CLNK: variants seen among roughly 807,000 people sequenced by gnomAD.
CLNK encodes cytokine-dependent hematopoietic cell linker.
In CLNK, 74 loss-of-function variants were observed where a neutral mutation model predicts 68.6. That is an observed-to-expected ratio of 1.08 (90% CI 0.89 to 1.31). The LOEUF (loss-of-function observed/expected upper bound fraction) is 1.31. Among genes scored for constraint, CLNK ranks in the 50% most tolerant of loss-of-function variants. The pLI, the probability that CLNK is intolerant of heterozygous loss-of-function variation, is 0.00. For missense variants in CLNK, 553 were observed against 515.3 expected (o/e 1.07, Z -0.71); for synonymous variants, 198 against 172.2 (o/e 1.15, Z -1.17).
intron 1 of CLNK, among the ~76,000 whole-genome samples, chr4:10,680,593 T>G (rs915240601): frequency 6.6e-6 from 1 of 152,080 alleles, no homozygotes; most frequent in African/African-American, 2.4e-5. Context: ...TAAAATAAAC[T>G]CATAATAATA....
At chr4:10,575,483 G>A (rs775184527) in intron 4 of CLNK, among the ~76,000 whole-genome samples, 1 of 152,260 alleles carries the variant, frequency 6.6e-6, no homozygotes, top group Admixed American at 6.5e-5. Context: ...CCTCTCCAGC[G>A]CTGTTCCTCA....
At position 10,488,148 on chromosome 4, in the gene CLNK, GA is replaced by G. The variant is rs1401980702; in HGVS notation, c.*2318del. On this transcript the variant is annotated 3_prime_UTR_variant, in exon 19 of 19. Coordinates refer to ENST00000226951, the MANE Select transcript of CLNK (RefSeq NM_052964.4). Reference sequence around the variant, plus strand: ...CCCTCATTCTTGCTGTCATCTTAAGGATGCTGAATTTCTACTTCTTTTTTCT... The same window carrying G: ...CCCTCATTCTTGCTGTCATCTTAAGGTGCTGAATTTCTACTTCTTTTTTCT... 5 of 151,844 alleles carry G rather than the reference GA, an allele frequency of 3.3e-5. No individual in the cohort carries two copies. The highest frequency in any genetic ancestry group is 1.2e-4 in the African/African-American group (5 of 41,328). 9.4% of individuals were successfully genotyped at this position (151,844 alleles called of 1,614,324 possible).
intron 2 of CLNK, among the ~76,000 whole-genome samples, chr4:10,640,444 G>A (rs1036804066): frequency 2.0e-5 from 3 of 152,216 alleles, no homozygotes; most frequent in African/African-American, 7.2e-5. Flanking sequence ...GGGATTACAG[G>A]CGTGAGCCAT....
chr4:10,541,233 AAACCCAATAAG>A (rs1719008634), intron 10 of CLNK, among the ~76,000 whole-genome samples: 1 of 150,132 alleles, frequency 6.7e-6, no homozygotes, highest in Non-Finnish European at 1.5e-5. Flanking sequence ...AAAAAAAAAA[AAACCCAATAAG>A]AAATATAAAA....
the CLNK span, among the ~76,000 whole-genome samples, chr4:10,712,952 CA>C: frequency 6.6e-6 from 1 of 152,206 alleles, no homozygotes; most frequent in Admixed American, 6.5e-5. Flanking sequence ...TCAATGATTT[CA>C]TTCCCAAGGA....
intron 2 of CLNK, among the ~76,000 whole-genome samples, chr4:10,632,900 TCATAA>T (rs1230412887): frequency 6.6e-6 from 1 of 152,210 alleles, no homozygotes. Context: ...GCTAGCTAAC[TCATAA>T]CAGAAGCATT....
chr4:10,498,523 T>C (rs1716905380), intron 18 of CLNK, among the ~76,000 whole-genome samples: 1 of 152,050 alleles, frequency 6.6e-6, no homozygotes, highest in Admixed American at 6.6e-5. Flanking sequence ...ATAAGAATTA[T>C]ATAATGCTTT....
At position 10,576,352 on chromosome 4, in the gene CLNK, T is replaced by C. The variant is rs539558561; in HGVS notation, c.113-4574A>G. ...TCATATCTGCATCCCAGGAGAGTTA[T>C]GGTCGTGTTGCATGGATGTGTGGAG... On this transcript the variant is annotated intron_variant, in intron 4 of 18. Coordinates refer to ENST00000226951, the MANE Select transcript of CLNK (RefSeq NM_052964.4). 3.3e-5 allele frequency among the ~76,000 whole-genome samples: 5 copies of C among 152,364 alleles called. No homozygotes were observed. In the South Asian group the frequency reaches 1.0e-3, roughly 32 times the overall value.
chr4:10,687,751 T>C (rs539862238), upstream of CLNK, among the ~76,000 whole-genome samples: 2 of 152,198 alleles, frequency 1.3e-5, no homozygotes, highest in South Asian at 4.1e-4. Flanking sequence ...CCAACCTGCA[T>C]GTTCTTGCTT....
At chr4:10,712,484 T>C in the CLNK span, among the ~76,000 whole-genome samples, 1 of 152,194 alleles carries the variant, frequency 6.6e-6, no homozygotes, top group African/African-American at 2.4e-5. Context: ...GCTTATAGTT[T>C]AACTTTAAAA....
the CLNK span, among the ~76,000 whole-genome samples, chr4:10,707,742 T>C: frequency 0.47 from 70,950 of 152,066 alleles, 17,914 homozygotes; most frequent in Middle Eastern, 0.62. Context: ...CACCCCTTCT[T>C]GTGCCAGGGA....
chr4:10,733,902 G>A, the CLNK span, among the ~76,000 whole-genome samples: 1 of 152,196 alleles, frequency 6.6e-6, no homozygotes, highest in Non-Finnish European at 1.5e-5. Context: ...CTGAAGAGTC[G>A]TTTCTGAATA....
intron 3 of CLNK, among the ~76,000 whole-genome samples, chr4:10,585,703 A>C (rs1024599151): frequency 6.6e-6 from 1 of 151,998 alleles, no homozygotes; most frequent in Non-Finnish European, 1.5e-5. Context: ...TGTAGTCCCA[A>C]CTCCTCAGGT....
intron 2 of CLNK, among the ~76,000 whole-genome samples, chr4:10,608,795 G>C (rs946227141): frequency 9.9e-5 from 15 of 152,182 alleles, no homozygotes; most frequent in African/African-American, 3.6e-4. Context: ...TGGGGGGCTT[G>C]AATAGCAAAC....
intron 1 of CLNK, among the ~76,000 whole-genome samples, chr4:10,683,570 A>G (rs1185479830): frequency 6.6e-6 from 1 of 152,228 alleles, no homozygotes; most frequent in Non-Finnish European, 1.5e-5. Context: ...TATTACTTAG[A>G]GAACTCAAGT....
chr4:10,571,876 A>G (rs1405955960), intron 4 of CLNK, 98 bp from the exon 5 acceptor site: 4 of 914,506 alleles, frequency 4.4e-6, no homozygotes, highest in Non-Finnish European at 6.9e-6. Context: ...ATCTTTTGTC[A>G]GTTTTAATTA....
chr4:10,669,277 C>T (rs1162010433), intron 1 of CLNK, among the ~76,000 whole-genome samples: 3 of 152,212 alleles, frequency 2.0e-5, no homozygotes, highest in African/African-American at 4.8e-5. Context: ...CCCTCCGTGA[C>T]ATCCCTCCTC....
intron 8 of CLNK, 110 bp from the exon 9 acceptor site, chr4:10,542,390 C>T (rs533977591): frequency 8.1e-6 from 6 of 741,142 alleles, no homozygotes; most frequent in East Asian, 2.8e-5. Flanking sequence ...TTGGTGATAA[C>T]GTCAGTTAAT....
At chr4:10,616,213 T>C (rs61794852) in intron 2 of CLNK, among the ~76,000 whole-genome samples, 6,096 of 152,304 alleles carry the variant, frequency 0.04, 180 homozygotes, top group Middle Eastern at 0.099. Context: ...CCACCCTCAA[T>C]TTAGTGAAGT....
Sources: gnomAD v4.1 joint callset for allele counts (sites outside exome capture counted in the v4.1 genomes callset) on GRCh38, gnomAD v4.1.1 for gene constraint, MANE v1.5 for transcripts, NCBI Gene and HGNC (gene_info 2026-07-23, HGNC 2026-07-21) for gene names.